DNAH14: variants seen among roughly 807,000 people sequenced by gnomAD.
The protein encoded by DNAH14 is axonemal beta dynein heavy chain 14.
Under a neutral mutation model 520.9 loss-of-function variants are expected in DNAH14, and 478 were observed. The observed-to-expected ratio is 0.92, with a 90% CI of 0.85 to 0.99. The LOEUF (loss-of-function observed/expected upper bound fraction) is 0.99, where lower values mean the gene tolerates loss of function less well. DNAH14 is among the 50% of genes least tolerant of loss of function. The pLI, the probability that DNAH14 is intolerant of heterozygous loss-of-function variation, is 0.00. For synonymous variants in DNAH14, 1,581 were observed against 1,757.2 expected (o/e 0.90, Z 2.51); for missense variants, 4,831 against 5,234.5 (o/e 0.92, Z 2.38).
At position 225,216,616 on chromosome 1, in the gene DNAH14, A is replaced by G. The variant is rs556586377; in HGVS notation, c.6439+9396A>G. Among the ~76,000 whole-genome samples, 313 of 151,416 alleles carry G rather than the reference A, an allele frequency of 2.1e-3. 1 individual carries two copies. The highest frequency in any genetic ancestry group is 5.4e-3 in the Admixed American group (83 of 15,232). On this transcript the variant is annotated intron_variant, in intron 41 of 85. Transcript: ENST00000682510. ...TTTCTTTTTACTCTTTTTTCTCTAA[A>G]CTTCTCTTCTCACTTCATTTCATTC...
intron 8 of DNAH14, among the ~76,000 whole-genome samples, chr1:224,991,083 G>GATT (rs1558617166): frequency 1.0e-5 from 1 of 95,902 alleles, no homozygotes; most frequent in African/African-American, 6.6e-5. Flanking sequence ...GTGATGTTGA[G>GATT]CTTTTTTTTT....
chr1:225,007,343 C>A, intron 9 of DNAH14, 70 bp from the exon 10 acceptor site: 8 of 1,280,972 alleles, frequency 6.2e-6, no homozygotes, highest in East Asian at 6.4e-5. Flanking sequence ...CTGAAAAGAC[C>A]AAATATTTTA....
intron 27 of DNAH14, among the ~76,000 whole-genome samples, chr1:225,136,269 G>A (rs2078945366): frequency 1.3e-5 from 2 of 152,180 alleles, no homozygotes; most frequent in Non-Finnish European, 1.5e-5. Flanking sequence ...GTGTACATCA[G>A]TGTGTTTTGT....
Position 225,208,256 on chromosome 1 carries a change from G to A in DNAH14, c.6439+1036G>A, listed in dbSNP as rs931352198. ...TGAATTCATCAGAAGTGTAACCCAGGAAAGTTGCAGTACTGGAAACAAAGC... is the reference window on the plus strand; with the variant it reads ...TGAATTCATCAGAAGTGTAACCCAGAAAAGTTGCAGTACTGGAAACAAAGC... On this transcript the variant is annotated intron_variant, in intron 41 of 85. Transcript: ENST00000682510. Among the ~76,000 whole-genome samples the A allele has an allele frequency of 2.6e-5, 4 of 151,476 alleles. No individual in the cohort carries two copies. In the South Asian group the frequency reaches 8.4e-4, roughly 32 times the overall value.
chr1:225,209,582 G>A (rs929008551), intron 41 of DNAH14, among the ~76,000 whole-genome samples: 11 of 152,082 alleles, frequency 7.2e-5, no homozygotes, highest in Admixed American at 5.9e-4. Context: ...ATTAAAGAAC[G>A]ATTCTAAGAA....
In DNAH14 at chr1:225,240,817, A is replaced by C. The variant is rs1311190748; in HGVS notation, c.6743A>C (p.Gln2248Pro). 6.5e-7 allele frequency: 1 copy of C among 1,543,804 alleles called. No individual in the cohort carries two copies. Among genetic ancestry groups the C allele is most frequent in the Admixed American group, 2.0e-5 (1 of 50,926 alleles). ...LVHELFGNSS[Q>P]VGINLPTGEC... is the part of the protein sequence containing the mutation. Reference sequence around the variant, plus strand: ...CATGAATTATTTGGAAACAGTTCACAAGTAGGTAAGTTCTGTGGGAAAAAT... The same window carrying C: ...CATGAATTATTTGGAAACAGTTCACCAGTAGGTAAGTTCTGTGGGAAAAAT... The change falls in exon 43 of 86, where the codon CAA (glutamine) becomes CCA (proline). Residue 2248 changes from glutamine to proline, a missense_variant. Coordinates refer to ENST00000682510, the MANE Select transcript of DNAH14 (RefSeq NM_001367479.1).
chr1:225,219,623 C>G (rs1455036420), intron 41 of DNAH14, among the ~76,000 whole-genome samples: 1 of 152,096 alleles, frequency 6.6e-6, no homozygotes, highest in Non-Finnish European at 1.5e-5. Context: ...AGTTGAATCC[C>G]TGAATAGACC....
intron 41 of DNAH14, among the ~76,000 whole-genome samples, chr1:225,213,312 C>A (rs1179298367): frequency 1.3e-5 from 2 of 152,128 alleles, no homozygotes; most frequent in African/African-American, 4.8e-5. Flanking sequence ...GTTACTGTAG[C>A]CTTGTAGTAC....
chr1:225,054,004 G>A (rs1350383671), intron 17 of DNAH14, among the ~76,000 whole-genome samples: 1 of 152,108 alleles, frequency 6.6e-6, no homozygotes, highest in Non-Finnish European at 1.5e-5. Context: ...GGTTCCCAGT[G>A]GAGAATCACT....
chr1:225,173,896 G>C (rs2083003398), intron 36 of DNAH14, among the ~76,000 whole-genome samples: 1 of 152,208 alleles, frequency 6.6e-6, no homozygotes, highest in South Asian at 2.1e-4. Flanking sequence ...TTAAGAAAAT[G>C]TGGCACATAT....
At chr1:224,977,870 A>G (rs1310368865) in intron 8 of DNAH14, among the ~76,000 whole-genome samples, 4 of 152,220 alleles carry the variant, frequency 2.6e-5, no homozygotes, top group Non-Finnish European at 4.4e-5. Context: ...TGGAATAGAC[A>G]TTTCTCAAAA....
chr1:225,194,272 C>G (rs2085826555), intron 38 of DNAH14, among the ~76,000 whole-genome samples: 1 of 152,106 alleles, frequency 6.6e-6, no homozygotes, highest in Non-Finnish European at 1.5e-5. Context: ...AACTATACTA[C>G]AAGGCTACAG....
intron 37 of DNAH14, 68 bp downstream of exon 37, chr1:225,185,493 T>C: frequency 9.2e-6 from 13 of 1,409,862 alleles, no homozygotes; most frequent in Non-Finnish European, 1.0e-5. Flanking sequence ...TAATATTTTA[T>C]GTTCTCTTTA....
At chr1:225,144,726 G>A (rs368497581) in intron 29 of DNAH14, 98 bp downstream of exon 29, 27 of 936,692 alleles carry the variant, frequency 2.9e-5, no homozygotes, top group African/African-American at 2.2e-4. Flanking sequence ...CTATTAAGAT[G>A]TTCATTGCAT....
chr1:225,324,258 G>A lies in DNAH14; in HGVS notation c.9532G>A (p.Asp3178Asn), dbSNP rs1360279808. The change falls in exon 63 of 86, where the codon GAT becomes AAT. Residue 3178 changes from aspartate (D) to asparagine (N), a missense_variant. By Grantham distance (23) the Asp-to-Asn change is conservative. Transcript: ENST00000682510. ...VKLKKIVTLP[D>N]FNPHKISLVS... The stretch of plus-strand genomic sequence containing the variant: ...GCTAAAAAAAATTGTAACCTTACCT[G>A]ATTTCAACCCACACAAGATTTCGCT... 1 of 1,551,608 alleles carries A rather than the reference G, an allele frequency of 6.4e-7. No homozygotes were observed. The highest frequency in any genetic ancestry group is 1.4e-5 in the African/African-American group (1 of 73,048).
In DNAH14 at chr1:225,240,773, C is replaced by T. The variant is rs755670638; in HGVS notation, c.6699C>T (p.Tyr2233=). 1.9e-5 allele frequency: 29 copies of T among 1,549,682 alleles called. 1 individual carries two copies. Among genetic ancestry groups the T allele is most frequent in the South Asian group, 9.5e-5 (8 of 83,894 alleles). ...CTGATTCTCTTGCAAAAGTAACATA[C>T]GATTTTGACAAACTTGTTCATGAAT... The part of the protein sequence containing the change: ...LEPDSLAKVT[Y]DFDKLVHELF... Residue 2233 remains tyrosine, a synonymous_variant, in exon 43 of 86, where the codon TAC becomes TAT. Transcript: ENST00000682510.
rs184806158 is a variant in DNAH14 at position 224,934,972 on chromosome 1, T to C, written c.-34+5137T>C. Among the ~76,000 whole-genome samples, 488 of 151,742 alleles carry C rather than the reference T, an allele frequency of 3.2e-3. 4 individuals are homozygous for C. Among genetic ancestry groups the C allele is most frequent in the South Asian group, 7.3e-3 (35 of 4,806 alleles). ...CATTCCTAGACAAATGCTGAAGGAA[T>C]TCAGGATCACAAAATTGGTCCCCTA... On this transcript the variant is annotated intron_variant, in intron 1 of 85. Transcript: ENST00000682510.
intron 71 of DNAH14, among the ~76,000 whole-genome samples, chr1:225,347,727 T>C (rs2095308056): frequency 6.6e-6 from 1 of 152,154 alleles, no homozygotes. Flanking sequence ...GGTTTTCCCC[T>C]GCACGAAGCC....
intron 41 of DNAH14, among the ~76,000 whole-genome samples, chr1:225,214,621 C>T (rs1402119093): frequency 1.3e-5 from 2 of 152,074 alleles, no homozygotes; most frequent in Admixed American, 1.3e-4. Flanking sequence ...TTACTTCTTC[C>T]TGGTTTAGTC....
Sources: allele counts gnomAD v4.1 joint callset (sites outside exome capture counted in the v4.1 genomes callset), GRCh38; gene constraint gnomAD v4.1.1; transcripts MANE v1.5; gene names NCBI Gene and HGNC (gene_info 2026-07-23, HGNC 2026-07-21).